The following CELF2 variants were observed in gnomAD, a reference collection of about 807,000 sequenced individuals.
CELF2 encodes CUGBP Elav-like family member 2.
In CELF2, 8 loss-of-function variants were observed where a neutral mutation model predicts 62.6. The observed-to-expected ratio is 0.13, with a 90% CI of 0.07 to 0.23. The LOEUF is 0.23. Among genes scored for constraint, CELF2 ranks in the 10% least tolerant of loss-of-function variants. The pLI, the probability that CELF2 is intolerant of heterozygous loss-of-function variation, is 1.00. For missense variants in CELF2, 333 were observed against 671.0 expected (o/e 0.50, Z 5.56); for synonymous variants, 258 against 250.0 (o/e 1.03, Z -0.30).
the CELF2 span, among the ~76,000 whole-genome samples, chr10:10,602,057 A>G: frequency 1.3e-5 from 2 of 152,170 alleles, no homozygotes; most frequent in South Asian, 2.1e-4. Context: ...TGTCCCTGCA[A>G]AGGACATGAT....
chr10:11,060,179 A>C (rs1473778428), intron 1 of CELF2, among the ~76,000 whole-genome samples: 2 of 152,198 alleles, frequency 1.3e-5, no homozygotes, highest in African/African-American at 4.8e-5. Flanking sequence ...CAGAGGTACC[A>C]GCAGCAGTTT....
intron 2 of CELF2, among the ~76,000 whole-genome samples, chr10:10,962,442 G>T (rs535516610): frequency 6.6e-6 from 1 of 152,070 alleles, no homozygotes; most frequent in Non-Finnish European, 1.5e-5. Context: ...TTCCTCTTCA[G>T]CTAGGCATAG....
chr10:11,212,548 A>G (rs2062131101), intron 2 of CELF2, among the ~76,000 whole-genome samples: 1 of 152,152 alleles, frequency 6.6e-6, no homozygotes, highest in Admixed American at 6.5e-5. Context: ...CAACAGAAGA[A>G]GTCATCACTA....
At chr10:11,025,456 C>G (rs1181426614) in intron 1 of CELF2, among the ~76,000 whole-genome samples, 1 of 152,092 alleles carries the variant, frequency 6.6e-6, no homozygotes, top group Non-Finnish European at 1.5e-5. Context: ...ATAAGGGGCC[C>G]TTCCCCCTTC....
At chr10:10,604,401 T>C in the CELF2 span, among the ~76,000 whole-genome samples, 1 of 152,204 alleles carries the variant, frequency 6.6e-6, no homozygotes, top group African/African-American at 2.4e-5. Flanking sequence ...TCAGGTTCTA[T>C]GGTTTTATCT....
Position 11,046,187 on chromosome 10 carries a change from A to T in CELF2, c.74+28024A>T, listed in dbSNP as rs549126020. ...CGCCAGCGGTTCTCAAAATCACGGC[A>T]CCGCTTGTCTAACAACACCGAACGC... On this transcript the variant is annotated intron_variant, in intron 1 of 12. Coordinates refer to ENST00000633077, the MANE Select transcript of CELF2 (RefSeq NM_001326342.2). This position sits in a 1 kb window ranked among gnomAD's most constrained non-coding sequence, Gnocchi z 4.6. Among the ~76,000 whole-genome samples the T allele has an allele frequency of 1.3e-5, 2 of 152,264 alleles. No homozygotes were observed. Among genetic ancestry groups the T allele is most frequent in the East Asian group, 3.9e-4 (2 of 5,184 alleles).
intron 2 of CELF2, among the ~76,000 whole-genome samples, chr10:11,172,683 AAAG>A (rs1409135760): frequency 2.0e-5 from 3 of 152,178 alleles, no homozygotes; most frequent in African/African-American, 7.2e-5. Context: ...TCTGGAGAGA[AAAG>A]GAGGAAGAAG....
At chr10:10,999,029 A>T (rs1009397481) in intron 2 of CELF2, among the ~76,000 whole-genome samples, 3 of 152,242 alleles carry the variant, frequency 2.0e-5, no homozygotes, top group Admixed American at 6.5e-5. Context: ...ATTCAAAAAC[A>T]ATTATGAAAA....
the CELF2 span, among the ~76,000 whole-genome samples, chr10:10,582,061 T>A: frequency 6.6e-6 from 1 of 152,126 alleles, no homozygotes; most frequent in Non-Finnish European, 1.5e-5. Context: ...TATCCACATA[T>A]CCTGTCTAGC....
At chr10:11,154,887 A>G (rs1035384901) in intron 1 of CELF2, among the ~76,000 whole-genome samples, 6 of 152,194 alleles carry the variant, frequency 3.9e-5, no homozygotes, top group African/African-American at 1.2e-4. Context: ...GACAAAAACA[A>G]TCACAGGTAG....
chr10:11,299,222 G>A (rs2140084985), intron 9 of CELF2, among the ~76,000 whole-genome samples: 1 of 152,384 alleles, frequency 6.6e-6, no homozygotes, highest in Non-Finnish European at 1.5e-5. Flanking sequence ...CCCCTGGGGA[G>A]TTGTTGGTTT....
At chr10:10,813,559 A>G (rs996151612) in intron 1 of CELF2, among the ~76,000 whole-genome samples, 1 of 152,210 alleles carries the variant, frequency 6.6e-6, no homozygotes, top group African/African-American at 2.4e-5. Flanking sequence ...GAGACTTCGC[A>G]TGTGTCCTTC....
the CELF2 span, among the ~76,000 whole-genome samples, chr10:10,705,487 A>C: frequency 6.6e-6 from 1 of 152,132 alleles, no homozygotes; most frequent in African/African-American, 2.4e-5. Context: ...ATTGAACTAC[A>C]GGGAGAGAGA....
At chr10:10,885,451 A>T (rs756170723) in intron 1 of CELF2, among the ~76,000 whole-genome samples, 2 of 151,726 alleles carry the variant, frequency 1.3e-5, no homozygotes, top group Non-Finnish European at 2.9e-5. Flanking sequence ...GGAAACAAGC[A>T]GAAGACAAGA....
At chr10:11,176,357 G>A (rs950155002) in intron 2 of CELF2, among the ~76,000 whole-genome samples, 5 of 152,164 alleles carry the variant, frequency 3.3e-5, no homozygotes, top group South Asian at 2.1e-4. Flanking sequence ...GCGGGTCCTC[G>A]TACCCTTTTC....
At chr10:10,650,004 C>T in the CELF2 span, among the ~76,000 whole-genome samples, 4 of 152,152 alleles carry the variant, frequency 2.6e-5, no homozygotes, top group East Asian at 7.7e-4. Flanking sequence ...TCTGCTCATT[C>T]TGTGTGGATG....
the CELF2 span, among the ~76,000 whole-genome samples, chr10:10,709,880 G>A: frequency 2.0e-5 from 3 of 152,320 alleles, no homozygotes; most frequent in South Asian, 2.1e-4. Flanking sequence ...ATGTGAATAC[G>A]TGGTATGTGT....
the CELF2 span, among the ~76,000 whole-genome samples, chr10:10,518,725 T>TAA: frequency 0.031 from 2,141 of 68,994 alleles, 19 homozygotes; most frequent in Non-Finnish European, 0.059. Flanking sequence ...TGATTTTTTT[T>TAA]TAAAAAAAAA....
chr10:10,625,953 A>G, the CELF2 span, among the ~76,000 whole-genome samples: 4 of 151,966 alleles, frequency 2.6e-5, no homozygotes, highest in African/African-American at 9.7e-5. Context: ...GTTGTCTGCG[A>G]AAGTCAAACC....
Sources: gnomAD v4.1 joint callset for allele counts (sites outside exome capture counted in the v4.1 genomes callset) on GRCh38, gnomAD v4.1.1 for gene constraint, Gnocchi (gnomAD v3.1) non-coding constraint, MANE v1.5 for transcripts, NCBI Gene and HGNC (gene_info 2026-07-23, HGNC 2026-07-21) for gene names.